POU2F1: variants seen among roughly 807,000 people sequenced by gnomAD.
POU2F1 encodes the protein POU domain, class 2, transcription factor 1.
In POU2F1, 16 loss-of-function variants were observed where a neutral mutation model predicts 84.9. The observed-to-expected ratio is 0.19, with a 90% CI of 0.13 to 0.29. The LOEUF is 0.29. POU2F1 is among the 10% of genes least tolerant of loss of function. The probability of loss-of-function intolerance (pLI) is 1.00; values close to 1 mark genes in which losing one functional copy is unlikely to be tolerated. For synonymous variants in POU2F1, 368 were observed against 368.3 expected (o/e 1.00, Z 0.01); for missense variants, 738 against 942.6 (o/e 0.78, Z 2.84).
Position 167,320,769 on chromosome 1 carries a change from A to G in POU2F1, c.62-11701A>G, listed in dbSNP as rs546132837. 3.3e-5 allele frequency among the ~76,000 whole-genome samples: 5 copies of G among 152,258 alleles called. No individual in the cohort carries two copies. In the South Asian group the frequency reaches 1.0e-3, roughly 32 times the overall value. ...CTAGAGTCTTCTCTGGATCTATTCT[A>G]TTTATTTGAGCCTTATACGCTTGCT... On this transcript the variant is annotated intron_variant, in intron 1 of 15. Transcript: ENST00000367866.
chr1:167,311,771 C>CATTT (rs3059735), intron 1 of POU2F1, among the ~76,000 whole-genome samples: 52,712 of 144,446 alleles, frequency 0.36, 10,311 homozygotes, highest in South Asian at 0.54. Flanking sequence ...TACAAAAAAT[C>CATTT]ATTTATTTAT....
chr1:167,377,825 T>C (rs1296184614), intron 7 of POU2F1, among the ~76,000 whole-genome samples: 1 of 152,178 alleles, frequency 6.6e-6, no homozygotes, highest in Non-Finnish European at 1.5e-5. Flanking sequence ...CCTCCCACCC[T>C]CTACCCTCAA....
At chr1:167,272,688 G>T (rs1652459913) in intron 1 of POU2F1, among the ~76,000 whole-genome samples, 1 of 152,068 alleles carries the variant, frequency 6.6e-6, no homozygotes. Context: ...ACAGCAAGGG[G>T]GAAGACTACC....
At chr1:167,323,362 A>G (rs1469856075) in intron 1 of POU2F1, among the ~76,000 whole-genome samples, 1 of 152,246 alleles carries the variant, frequency 6.6e-6, no homozygotes, top group African/African-American at 2.4e-5. Flanking sequence ...TTTAGTTTTA[A>G]AGAATGCCAG....
At chr1:167,269,704 G>A (rs1351785374) in intron 1 of POU2F1, among the ~76,000 whole-genome samples, 1 of 152,196 alleles carries the variant, frequency 6.6e-6, no homozygotes. Flanking sequence ...CCTGAGATTA[G>A]GAGTTTGAGA....
At chr1:167,289,726 C>G (rs1162360136) in intron 1 of POU2F1, among the ~76,000 whole-genome samples, 2 of 152,196 alleles carry the variant, frequency 1.3e-5, no homozygotes, top group African/African-American at 2.4e-5. Flanking sequence ...AGGAGTTACA[C>G]TAACTTTTAC....
intron 13 of POU2F1, among the ~76,000 whole-genome samples, chr1:167,403,235 T>A (rs1027386117): frequency 1.3e-5 from 2 of 152,210 alleles, no homozygotes; most frequent in African/African-American, 4.8e-5. Flanking sequence ...GTACCATTTT[T>A]ATTTTCTCTT....
chr1:167,269,918 A>AG (rs1350410419), intron 1 of POU2F1, among the ~76,000 whole-genome samples: 10 of 151,714 alleles, frequency 6.6e-5, no homozygotes. Context: ...TGTCTCAAAA[A>AG]AAAAAAAAAA....
intron 7 of POU2F1, chr1:167,380,979 A>T (rs1342287704): frequency 6.6e-6 from 1 of 152,166 alleles, no homozygotes; most frequent in African/African-American, 2.4e-5. Flanking sequence ...CTCAGCACTA[A>T]TTATAAAAAT....
intron 2 of POU2F1, among the ~76,000 whole-genome samples, chr1:167,335,458 G>C (rs558429160): frequency 6.6e-6 from 1 of 152,210 alleles, no homozygotes; most frequent in South Asian, 2.1e-4. Flanking sequence ...TAGGGGTGAA[G>C]GTCTAGGATC....
chr1:167,268,386 C>G (rs1299224709), intron 1 of POU2F1, among the ~76,000 whole-genome samples: 2 of 152,062 alleles, frequency 1.3e-5, no homozygotes, highest in Admixed American at 1.3e-4. Context: ...CTTTCATTTT[C>G]CTTTCTGTTT....
At chr1:167,298,724 A>AG (rs1553204330) in intron 1 of POU2F1, among the ~76,000 whole-genome samples, 3 of 152,126 alleles carry the variant, frequency 2.0e-5, no homozygotes, top group Non-Finnish European at 4.4e-5. Context: ...GCTTCAAAAA[A>AG]CTATTCAGTT....
At chr1:167,377,909 G>A (rs926697876) in intron 7 of POU2F1, among the ~76,000 whole-genome samples, 2 of 151,962 alleles carry the variant, frequency 1.3e-5, no homozygotes, top group South Asian at 2.1e-4. Context: ...ATAGTATTCC[G>A]TTGTGTATAT....
chr1:167,317,162 G>A (rs1219614591), intron 1 of POU2F1, among the ~76,000 whole-genome samples: 2 of 152,122 alleles, frequency 1.3e-5, no homozygotes, highest in Non-Finnish European at 2.9e-5. Context: ...CAAAGTGCTG[G>A]GATTAGAGGC....
chr1:167,399,234 A>G lies in POU2F1; in HGVS notation c.1318A>G (p.Asn440Asp). The G allele has an allele frequency of 1.2e-6, 2 of 1,613,964 alleles. No homozygotes were observed. Among genetic ancestry groups the G allele is most frequent in the Non-Finnish European group, 1.7e-6 (2 of 1,179,956 alleles). ...EEITMIADQL[N>D]MEKEVIRVWF... ...GATCACTATGATTGCTGATCAGCTCAATATGGAAAAAGAGGTGATTCGTGT... is the reference window on the plus strand; with the variant it reads ...GATCACTATGATTGCTGATCAGCTCGATATGGAAAAAGAGGTGATTCGTGT... Residue 440 changes from asparagine (N) to aspartate (D), a missense_variant, in exon 12 of 16, where the codon AAT becomes GAT. Around this residue, in one of 4 missense-constraint regions of POU2F1, gnomAD observed 95 missense variants for 195.1 expected, o/e 0.49. Transcript: ENST00000367866.
intron 1 of POU2F1, among the ~76,000 whole-genome samples, chr1:167,331,709 A>G (rs556182200): frequency 6.6e-6 from 1 of 152,176 alleles, no homozygotes; most frequent in South Asian, 2.1e-4. Flanking sequence ...AAAACATTTT[A>G]CTGTGGAAAT....
intron 2 of POU2F1, among the ~76,000 whole-genome samples, chr1:167,363,394 T>C (rs965364664): frequency 6.6e-6 from 1 of 152,222 alleles, no homozygotes; most frequent in East Asian, 1.9e-4. Flanking sequence ...CCTCCAGTTT[T>C]ATTGAGGTAT....
At chr1:167,273,759 C>T (rs1423900139) in intron 1 of POU2F1, among the ~76,000 whole-genome samples, 1 of 152,194 alleles carries the variant, frequency 6.6e-6, no homozygotes, top group East Asian at 1.9e-4. Flanking sequence ...AGGATAACCA[C>T]GTTATGAGTA....
chr1:167,399,392 G>A (rs1649036628), intron 12 of POU2F1, 27 bp downstream of exon 12: 1 of 1,565,288 alleles, frequency 6.4e-7, no homozygotes, highest in Non-Finnish European at 8.7e-7. Flanking sequence ...GGGAGTGCAA[G>A]CTCAAGGGCT....
Sources: gnomAD v4.1 joint callset for allele counts (sites outside exome capture counted in the v4.1 genomes callset) on GRCh38, gnomAD v4.1.1 for gene constraint, gnomAD v4.1.1 regional missense constraint, MANE v1.5 for transcripts, NCBI Gene and HGNC (gene_info 2026-07-23, HGNC 2026-07-21) for gene names.